Variants in RNF150 observed in about 807,000 individuals in gnomAD.
The protein encoded by RNF150 is ring finger protein 150.
In RNF150, 24 loss-of-function variants were observed where a neutral mutation model predicts 39.3. The ratio of observed to expected loss-of-function variants is 0.61; its 90% CI spans 0.44 to 0.86. The LOEUF (loss-of-function observed/expected upper bound fraction) is 0.86. Among genes scored for constraint, RNF150 ranks in the 40% least tolerant of loss-of-function variants. RNF150 has a pLI of 0.00. For synonymous variants in RNF150, 255 were observed against 227.3 expected (o/e 1.12, Z -1.10); for missense variants, 502 against 587.8 (o/e 0.85, Z 1.51).
At chr4:141,021,807 G>A (rs998127315) in intron 1 of RNF150, among the ~76,000 whole-genome samples, 4 of 152,290 alleles carry the variant, frequency 2.6e-5, no homozygotes, top group Middle Eastern at 3.4e-3. Flanking sequence ...TCAGGCTATT[G>A]GTCATGCCCC....
At position 141,032,474 on chromosome 4, in the gene RNF150, C is replaced by A. The variant is rs531649761; in HGVS notation, c.485-64601G>T. On this transcript the variant is annotated intron_variant, in intron 1 of 6. Coordinates refer to ENST00000515673, the MANE Select transcript of RNF150 (RefSeq NM_020724.2). ...CATGTACATACATACACAAACGTAACTACTAAGTGAGGTGATGAATATGTT... is the reference window on the plus strand; with the variant it reads ...CATGTACATACATACACAAACGTAAATACTAAGTGAGGTGATGAATATGTT... Among the ~76,000 whole-genome samples the A allele has an allele frequency of 1.5e-4, 23 of 152,226 alleles. No individual in the cohort carries two copies. The Middle Eastern group carries it at 0.01, about 68-fold the overall frequency.
intron 1 of RNF150, among the ~76,000 whole-genome samples, chr4:141,202,469 C>A (rs1728306269): frequency 6.6e-6 from 1 of 151,932 alleles, no homozygotes. Context: ...CTTATAGACA[C>A]TTTTATCCAT....
intron 1 of RNF150, among the ~76,000 whole-genome samples, chr4:140,978,975 A>T (rs1733763498): frequency 1.3e-5 from 2 of 152,166 alleles, no homozygotes; most frequent in African/African-American, 2.4e-5. Flanking sequence ...AATATATTAA[A>T]TTCTAATTTT....
At chr4:141,000,087 G>GAGAAGAAGGAGA (rs1734603731) in intron 1 of RNF150, among the ~76,000 whole-genome samples, 1 of 35,936 alleles carries the variant, frequency 2.8e-5, no homozygotes, top group East Asian at 1.2e-3. Context: ...GAAGAAGAAG[G>GAGAAGAAGGAGA]AGAAGAAGAA....
At chr4:141,154,476 T>A (rs1024092515) in intron 1 of RNF150, among the ~76,000 whole-genome samples, 38 of 152,152 alleles carry the variant, frequency 2.5e-4, no homozygotes, top group Non-Finnish European at 1.5e-5. Flanking sequence ...TCTATTTGGA[T>A]CAGTGGGCTA....
At chr4:141,010,345 C>T (rs1006182139) in intron 1 of RNF150, among the ~76,000 whole-genome samples, 3 of 152,084 alleles carry the variant, frequency 2.0e-5, no homozygotes, top group Non-Finnish European at 4.4e-5. Context: ...GGTAGAAAGC[C>T]TCAGGCTTTT....
At chr4:141,053,752 GA>G in intron 1 of RNF150, 1 of 1,320,092 alleles carries the variant, frequency 7.6e-7, no homozygotes, top group Non-Finnish European at 9.8e-7. Flanking sequence ...CGATAAAAAT[GA>G]AAAAGAAAAC....
intron 1 of RNF150, among the ~76,000 whole-genome samples, chr4:141,171,245 A>G (rs2111172301): frequency 6.6e-6 from 1 of 152,296 alleles, no homozygotes; most frequent in African/African-American, 2.4e-5. Flanking sequence ...CAGTAGCAGA[A>G]TCAGGACTGG....
intron 1 of RNF150, among the ~76,000 whole-genome samples, chr4:141,160,245 C>T (rs3113620): frequency 0.97 from 148,017 of 152,298 alleles, 72,081 homozygotes; most frequent in East Asian, 1. Context: ...GAAGTTATCA[C>T]AGATTATCTG....
chr4:141,092,452 T>A (rs751917782), intron 1 of RNF150, among the ~76,000 whole-genome samples: 2 of 152,212 alleles, frequency 1.3e-5, no homozygotes, highest in Admixed American at 6.5e-5. Context: ...TCACCTTTTT[T>A]AAAAATCCTT....
intron 1 of RNF150, among the ~76,000 whole-genome samples, chr4:141,130,071 C>G (rs564457092): frequency 3.3e-5 from 5 of 152,188 alleles, no homozygotes; most frequent in Non-Finnish European, 7.3e-5. Context: ...TGTGCAGTTT[C>G]TCAAACTGAA....
intron 1 of RNF150, among the ~76,000 whole-genome samples, chr4:140,970,297 T>C (rs1733413031): frequency 6.6e-6 from 1 of 152,176 alleles, no homozygotes; most frequent in Non-Finnish European, 1.5e-5. Flanking sequence ...AGAAGGAAGA[T>C]TAGGATGCAA....
chr4:140,999,947 AG>A lies in RNF150; in HGVS notation c.485-32075del, dbSNP rs1435783235. On this transcript the variant is annotated intron_variant, in intron 1 of 6. Transcript: ENST00000515673. ...AGTGAGACTTGGTCTCAAAAAAAGA[AG>A]AAGAAGAAGAAGAAGAAGAAGAAGA... is the stretch of plus-strand genomic sequence containing the variant. 5.9e-4 allele frequency among the ~76,000 whole-genome samples: 23 copies of A among 38,912 alleles called. 1 individual carries two copies. Among genetic ancestry groups the A allele is most frequent in the Middle Eastern group, 0.031 (2 of 64 alleles). The allele number at this position is 38,912 out of a possible 152,430, so 25.5% of individuals were successfully genotyped here. A position where few individuals can be genotyped will look rare whatever the true frequency, so the allele number is the denominator to read the frequency against.
chr4:141,132,868 C>T lies in RNF150; in HGVS notation c.-60G>A, dbSNP rs545126187. The T allele has an allele frequency of 6.6e-4, 950 of 1,440,836 alleles. 5 individuals are homozygous for T. The African/African-American group carries it at 0.011, about 16-fold the overall frequency. The allele number at this position is 1,440,836 out of a possible 1,614,324, so 89.3% of individuals were successfully genotyped here. ...CCCTCCCTCCGTCCCGTCCCTCCTC[C>T]CCAGCCCCGGCCAACCCCGGGCCGC... On this transcript the variant is annotated 5_prime_UTR_variant, in exon 1 of 7. Transcript: ENST00000515673. The surrounding 1 kb of genome is among the most constrained non-coding windows in gnomAD (Gnocchi z 4.9).
chr4:140,899,372 GA>G (rs1730085941), intron 6 of RNF150, among the ~76,000 whole-genome samples: 1 of 152,196 alleles, frequency 6.6e-6, no homozygotes, highest in African/African-American at 2.4e-5. Flanking sequence ...AACTTTATCA[GA>G]AGCATTCTGA....
intron 6 of RNF150, among the ~76,000 whole-genome samples, chr4:140,908,578 T>G (rs1378739201): frequency 6.6e-6 from 1 of 152,114 alleles, no homozygotes; most frequent in Non-Finnish European, 1.5e-5. Flanking sequence ...GAACAGAAGG[T>G]CTCCACTTCA....
At chr4:141,111,707 G>A (rs116401851) in intron 1 of RNF150, among the ~76,000 whole-genome samples, 474 of 152,294 alleles carry the variant, frequency 3.1e-3, no homozygotes, top group African/African-American at 0.011. Context: ...CAAGGCTGTA[G>A]CAGTTTAATG....
In RNF150 at chr4:140,884,750, G is replaced by A. The variant is rs866050318; in HGVS notation, c.1199-16371C>T. Among the ~76,000 whole-genome samples the A allele has an allele frequency of 2.0e-5, 3 of 152,270 alleles. No homozygotes were observed. The South Asian group carries it at 6.2e-4, about 32-fold the overall frequency. On this transcript the variant is annotated intron_variant, in intron 6 of 6. Transcript: ENST00000515673. Reference sequence around the variant, plus strand: ...TCTGTGCTTAGATTTCGGGAAGACAGAAGCCAGTCCCTTAGGTAACACCCC... The same window carrying A: ...TCTGTGCTTAGATTTCGGGAAGACAAAAGCCAGTCCCTTAGGTAACACCCC...
At chr4:141,108,357 G>A (rs1046831844) in intron 1 of RNF150, among the ~76,000 whole-genome samples, 6 of 151,896 alleles carry the variant, frequency 4.0e-5, no homozygotes, top group East Asian at 3.9e-4. Flanking sequence ...CCATCTCTCC[G>A]TTGTCAGCTA....
Sources: gnomAD v4.1 joint callset for allele counts (sites outside exome capture counted in the v4.1 genomes callset) on GRCh38, gnomAD v4.1.1 for gene constraint, Gnocchi (gnomAD v3.1) non-coding constraint, MANE v1.5 for transcripts, NCBI Gene and HGNC (gene_info 2026-07-23, HGNC 2026-07-21) for gene names.